SLC5A11: variants seen among roughly 807,000 people sequenced by gnomAD.
SLC5A11 encodes sodium/myo-inositol cotransporter 2.
In SLC5A11, 48 loss-of-function variants were observed where a neutral mutation model predicts 69.8. The ratio of observed to expected loss-of-function variants is 0.69; its 90% CI spans 0.55 to 0.87. The LOEUF (loss-of-function observed/expected upper bound fraction) is 0.87, where lower values mean the gene tolerates loss of function less well. SLC5A11 is among the 40% of genes least tolerant of loss of function. The pLI is 0.00. For missense variants in SLC5A11, 784 were observed against 866.1 expected (o/e 0.91, Z 1.19); for synonymous variants, 319 against 342.4 (o/e 0.93, Z 0.75).
intron 11 of SLC5A11, 117 bp downstream of exon 12, chr16:24,906,881 T>A: frequency 7.2e-7 from 1 of 1,397,362 alleles, no homozygotes; most frequent in Non-Finnish European, 9.8e-7. Flanking sequence ...AGGAAGACTC[T>A]GGGCTCCCCA....
At chr16:24,855,122 A>G (rs1211845348) in intron 1 of SLC5A11, among the ~76,000 whole-genome samples, 7 of 151,984 alleles carry the variant, frequency 4.6e-5, no homozygotes, top group African/African-American at 1.7e-4. Context: ...GAGCCACCAC[A>G]CCTGGCCTCC....
intron 5 of SLC5A11, among the ~76,000 whole-genome samples, chr16:24,873,838 T>G (rs1418344758): frequency 1.3e-5 from 2 of 151,470 alleles, no homozygotes; most frequent in Non-Finnish European, 1.5e-5. Context: ...TTTTTTTTTT[T>G]TTTTTGAGGC....
chr16:24,900,742 C>T (rs2093983346), intron 10 of SLC5A11, among the ~76,000 whole-genome samples: 1 of 151,938 alleles, frequency 6.6e-6, no homozygotes, highest in South Asian at 2.1e-4. Flanking sequence ...ACCAGACCCG[C>T]TCTCTACCAA....
chr16:24,882,376 G>A lies in SLC5A11; in HGVS notation c.584-1675G>A, dbSNP rs1204408545. On this transcript the variant is annotated intron_variant, in intron 7 of 15. Coordinates refer to ENST00000347898, the Ensembl canonical transcript of SLC5A11. The stretch of plus-strand genomic sequence containing the variant: ...GCATGCGTGAACGGCAGGGAACTGA[G>A]GCCAGAATCAAAGCCAGTTCTCCTC... 2.6e-5 allele frequency among the ~76,000 whole-genome samples: 4 copies of A among 152,164 alleles called. No homozygotes were observed. The East Asian group carries it at 7.7e-4, about 29-fold the overall frequency.
intron 10 of SLC5A11, among the ~76,000 whole-genome samples, chr16:24,901,956 A>ACACACG (rs1393594765): frequency 1.5e-4 from 14 of 95,886 alleles, no homozygotes; most frequent in African/African-American, 3.6e-4. Context: ...ACACACACAC[A>ACACACG]CGCACACACA....
At chr16:24,875,582 G>A in intron 5 of SLC5A11, 45 bp from the exon 7 acceptor site, 1 of 1,528,864 alleles carries the variant, frequency 6.5e-7, no homozygotes, top group Non-Finnish European at 9.0e-7. Context: ...GTCACGTGCT[G>A]GTGGTGAAGT....
chr16:24,906,576 C>A, intron 10 of SLC5A11, 81 bp from the exon 12 acceptor site: 1 of 776,218 alleles, frequency 1.3e-6, no homozygotes, highest in Non-Finnish European at 2.1e-6. Flanking sequence ...ATATGATAAG[C>A]CTGTGTCCGG....
chr16:24,905,307 G>C (rs1322894501), intron 10 of SLC5A11, among the ~76,000 whole-genome samples: 2 of 149,914 alleles, frequency 1.3e-5, no homozygotes, highest in African/African-American at 4.9e-5. Flanking sequence ...CCTGGGTGTG[G>C]TGGCACGCCT....
chr16:24,876,550 G>A (rs2047686847), intron 6 of SLC5A11, among the ~76,000 whole-genome samples: 1 of 152,180 alleles, frequency 6.6e-6, no homozygotes, highest in South Asian at 2.1e-4. Context: ...GAGGAGGGAG[G>A]AGCTTGTCCT....
chr16:24,847,179 C>G (rs190776749), intron 1 of SLC5A11, among the ~76,000 whole-genome samples: 1 of 148,540 alleles, frequency 6.7e-6, no homozygotes. Flanking sequence ...TTTGTTCTTT[C>G]TTTCTTTCCT....
At chr16:24,859,930 AC>A (rs980004154) in intron 2 of SLC5A11, among the ~76,000 whole-genome samples, 37 of 152,264 alleles carry the variant, frequency 2.4e-4, no homozygotes, top group African/African-American at 8.7e-4. Context: ...CAGGCAGATC[AC>A]TTGAGGCCAG....
intron 9 of SLC5A11, among the ~76,000 whole-genome samples, chr16:24,894,786 C>A (rs1416442339): frequency 6.6e-6 from 1 of 150,400 alleles, no homozygotes; most frequent in East Asian, 2.0e-4. Flanking sequence ...GGTGACAGAG[C>A]GAGACTCCGT....
chr16:24,890,264 A>T (rs868213056), intron 8 of SLC5A11, among the ~76,000 whole-genome samples: 10 of 152,000 alleles, frequency 6.6e-5, no homozygotes, highest in African/African-American at 1.2e-4. Context: ...CAGGAGTATC[A>T]CTTGAGGTCA....
intron 7 of SLC5A11, among the ~76,000 whole-genome samples, chr16:24,877,573 G>A (rs80318558): frequency 0.014 from 2,179 of 152,236 alleles, 94 homozygotes; most frequent in East Asian, 0.14. Context: ...TTTTAGGTTG[G>A]GCTCGGTGGC....
exon 2 of SLC5A11, chr16:24,858,735 T>C (rs754652086): frequency 1.2e-6 from 2 of 1,611,894 alleles, no homozygotes; most frequent in Admixed American, 3.3e-5. Flanking sequence ...GACATCGCGG[T>C]GCTAGTTCTG....
intron 7 of SLC5A11, 91 bp from the exon 9 acceptor site, chr16:24,883,960 C>T (rs1303762091): frequency 5.1e-6 from 6 of 1,169,826 alleles, no homozygotes; most frequent in South Asian, 1.4e-5. Flanking sequence ...AATCTCCCAT[C>T]GGGTCCTGGC....
chr16:24,872,313 C>A, intron 5 of SLC5A11, 94 bp downstream of exon 6: 1 of 1,421,392 alleles, frequency 7.0e-7, no homozygotes, highest in Non-Finnish European at 9.9e-7. Context: ...TCCCTCCCTC[C>A]TGCCCATGGT....
At position 24,872,030 on chromosome 16, in the gene SLC5A11, C is replaced by T. The variant is rs2047336315; in HGVS notation, c.313-130C>T. 4.0e-6 allele frequency: 4 copies of T among 1,004,320 alleles called. No homozygotes were observed. In the Admixed American group the frequency reaches 7.1e-5, roughly 18 times the overall value. The allele number at this position is 1,004,320 out of a possible 1,614,324, so 62.2% of individuals were successfully genotyped here. On this transcript the variant is annotated intron_variant, in intron 4 of 15. Transcript: ENST00000347898. Reference sequence around the variant, plus strand: ...AAATTTGAAGGCCAGCACAGGTGAACCACTCAGCGAGTAAGAGACTACACC... The same window carrying T: ...AAATTTGAAGGCCAGCACAGGTGAATCACTCAGCGAGTAAGAGACTACACC...
At chr16:24,893,724 C>T (rs12921050) in intron 9 of SLC5A11, among the ~76,000 whole-genome samples, 69,260 of 151,822 alleles carry the variant, frequency 0.46, 16,083 homozygotes, top group Non-Finnish European at 0.51. Flanking sequence ...GCGTGCACCA[C>T]TATGCCCAGC....
Sources: allele counts gnomAD v4.1 joint callset (sites outside exome capture counted in the v4.1 genomes callset), GRCh38; gene constraint gnomAD v4.1.1; transcripts MANE v1.5; gene names NCBI Gene and HGNC (gene_info 2026-07-23, HGNC 2026-07-21).